SYN3: variants seen among roughly 807,000 people sequenced by gnomAD.
SYN3 encodes the protein synapsin III.
A neutral mutation model predicts 65.8 loss-of-function variants in SYN3; 35 were observed. That is an observed-to-expected ratio of 0.53 (90% CI 0.41 to 0.70). SYN3 has a LOEUF of 0.70. SYN3 is among the 30% of genes least tolerant of loss of function. The pLI is 0.00. For synonymous variants in SYN3, 270 were observed against 292.9 expected (o/e 0.92, Z 0.80); for missense variants, 680 against 749.0 (o/e 0.91, Z 1.08).
rs186508368 is a variant in SYN3, at chr22:33,032,070, C to T, written c.-162-25246G>A. On this transcript the variant is annotated intron_variant, in intron 1 of 13. Transcript: ENST00000358763. ...ACTAAAAATACAAAAATTAGCAGGGCGTGGTGGCGGGCGCCTGTAGTCCCA... is the reference window on the plus strand; with the variant it reads ...ACTAAAAATACAAAAATTAGCAGGGTGTGGTGGCGGGCGCCTGTAGTCCCA... Among the ~76,000 whole-genome samples the T allele has an allele frequency of 2.4e-4, 37 of 151,614 alleles. No individual in the cohort carries two copies. In the East Asian group the frequency reaches 5.8e-3, roughly 24 times the overall value.
chr22:32,736,057 A>C lies in SYN3; in HGVS notation c.711+128858T>G, dbSNP rs5994614. On this transcript the variant is annotated intron_variant, in intron 6 of 13. Coordinates refer to ENST00000358763, the MANE Select transcript of SYN3 (RefSeq NM_003490.4). ...TAGGCTCATGTAGTTCAACCCTCTC[A>C]TTTTATTGTGTTTTTGTTTCTTAAT... 8.6e-3 allele frequency among the ~76,000 whole-genome samples: 1,306 copies of C among 152,268 alleles called. 23 individuals carry two copies. The highest frequency in any genetic ancestry group is 0.031 in the African/African-American group (1,271 of 41,536).
intron 3 of SYN3, among the ~76,000 whole-genome samples, chr22:32,971,207 A>T (rs2052009084): frequency 6.6e-6 from 1 of 152,222 alleles, no homozygotes; most frequent in Non-Finnish European, 1.5e-5. Context: ...ATAAACCTAC[A>T]TTAATCAATG....
chr22:32,899,280 A>T (rs2049692779), intron 4 of SYN3, among the ~76,000 whole-genome samples: 1 of 152,182 alleles, frequency 6.6e-6, no homozygotes, highest in Non-Finnish European at 1.5e-5. Flanking sequence ...CCAGTGCACA[A>T]TGAAAATGGC....
chr22:32,786,095 T>C (rs2046187935), intron 6 of SYN3, among the ~76,000 whole-genome samples: 1 of 152,246 alleles, frequency 6.6e-6, no homozygotes, highest in South Asian at 2.1e-4. Context: ...AAGCAGTGCT[T>C]GGCCCTTAGG....
chr22:32,761,439 C>T (rs967696216), intron 6 of SYN3, among the ~76,000 whole-genome samples: 20 of 152,186 alleles, frequency 1.3e-4, no homozygotes, highest in Admixed American at 1.2e-3. Flanking sequence ...AATGTCAACA[C>T]CCCAGGGCAG....
At chr22:32,755,495 CA>C (rs2045262251) in intron 6 of SYN3, among the ~76,000 whole-genome samples, 2 of 152,184 alleles carry the variant, frequency 1.3e-5, no homozygotes, top group African/African-American at 4.8e-5. Flanking sequence ...TGCCTGGTTC[CA>C]ACATCTGGAG....
intron 6 of SYN3, among the ~76,000 whole-genome samples, chr22:32,849,991 T>G (rs2048174834): frequency 6.6e-6 from 1 of 151,668 alleles, no homozygotes; most frequent in African/African-American, 2.4e-5. Flanking sequence ...CAGCTTAGGT[T>G]TACAGCCCTC....
intron 2 of SYN3, among the ~76,000 whole-genome samples, chr22:32,998,238 C>T (rs926444890): frequency 2.6e-5 from 4 of 152,018 alleles, no homozygotes; most frequent in Non-Finnish European, 5.9e-5. Context: ...GATCATACAG[C>T]GTAATAACTC....
At chr22:32,719,916 T>G (rs950145152) in intron 6 of SYN3, among the ~76,000 whole-genome samples, 10 of 152,118 alleles carry the variant, frequency 6.6e-5, no homozygotes, top group African/African-American at 2.4e-4. Context: ...TCTAACACCC[T>G]GGAGGGGAAG....
intron 6 of SYN3, among the ~76,000 whole-genome samples, chr22:32,716,730 C>T (rs2061043983): frequency 6.6e-6 from 1 of 151,974 alleles, no homozygotes; most frequent in African/African-American, 2.4e-5. Flanking sequence ...GCCATGTTGC[C>T]CAGGCTGGTC....
intron 6 of SYN3, among the ~76,000 whole-genome samples, chr22:32,729,582 G>A (rs930834571): frequency 6.6e-6 from 1 of 152,234 alleles, no homozygotes; most frequent in Non-Finnish European, 1.5e-5. Flanking sequence ...GAGTACTGAT[G>A]TTTGTACAAA....
At position 33,009,751 on chromosome 22, in the gene SYN3, AACACACACACACACAC is replaced by A. The variant is rs58156623; in HGVS notation, c.-162-2943_-162-2928del. ...ATATCCTTTCATATATACGTATCTA[AACACACACACACACAC>A]ACACACACACACACACACACACACA... On this transcript the variant is annotated intron_variant, in intron 1 of 13. Coordinates refer to ENST00000358763, the MANE Select transcript of SYN3 (RefSeq NM_003490.4). Among the ~76,000 whole-genome samples, 29 of 141,242 alleles carry A rather than the reference AACACACACACACACAC, an allele frequency of 2.1e-4. No homozygotes were observed. The East Asian group carries it at 2.8e-3, about 14-fold the overall frequency. The allele number at this position is 141,242 out of a possible 152,430, so 92.7% of individuals were successfully genotyped here. A position where few individuals can be genotyped will look rare whatever the true frequency, so the allele number is the denominator to read the frequency against.
At chr22:32,718,166 G>C (rs1194724575) in intron 6 of SYN3, among the ~76,000 whole-genome samples, 1 of 152,084 alleles carries the variant, frequency 6.6e-6, no homozygotes, top group Non-Finnish European at 1.5e-5. Context: ...CCAGTCTGGC[G>C]AGTAGGCAGT....
intron 4 of SYN3, among the ~76,000 whole-genome samples, chr22:32,888,091 T>C (rs1244108816): frequency 6.6e-6 from 1 of 152,182 alleles, no homozygotes; most frequent in Non-Finnish European, 1.5e-5. Context: ...TTTAATATCA[T>C]TTCACATGCT....
intron 1 of SYN3, among the ~76,000 whole-genome samples, chr22:33,022,249 T>C (rs746763242): frequency 3.2e-4 from 48 of 152,190 alleles, no homozygotes; most frequent in Non-Finnish European, 6.2e-4. Context: ...AAGCAGAAAA[T>C]TTTAAAATTC....
intron 6 of SYN3, among the ~76,000 whole-genome samples, chr22:32,712,016 CCA>C (rs1045557965): frequency 2.6e-5 from 4 of 152,182 alleles, no homozygotes; most frequent in Non-Finnish European, 2.9e-5. Context: ...GTCCTATGGG[CCA>C]CAGCCCTACA....
intron 6 of SYN3, among the ~76,000 whole-genome samples, chr22:32,786,889 G>A (rs2046207347): frequency 6.6e-6 from 1 of 151,998 alleles, no homozygotes; most frequent in Non-Finnish European, 1.5e-5. Flanking sequence ...AATAAAGAGG[G>A]GGAATGGGAG....
chr22:32,658,898 T>G (rs1013091922), intron 6 of SYN3, among the ~76,000 whole-genome samples: 2 of 152,196 alleles, frequency 1.3e-5, no homozygotes, highest in African/African-American at 4.8e-5. Flanking sequence ...CAGGAATGAT[T>G]GCTAACATAC....
At chr22:32,642,408 CTTT>C (rs140278374) in intron 6 of SYN3, among the ~76,000 whole-genome samples, 1 of 151,694 alleles carries the variant, frequency 6.6e-6, no homozygotes, top group Non-Finnish European at 1.5e-5. Context: ...CTACCCCAAA[CTTT>C]TTTATTTTGA....
Sources: gnomAD v4.1 joint callset for allele counts (sites outside exome capture counted in the v4.1 genomes callset) on GRCh38, gnomAD v4.1.1 for gene constraint, MANE v1.5 for transcripts, NCBI Gene and HGNC (gene_info 2026-07-23, HGNC 2026-07-21) for gene names.